The following HLCS variants were observed in gnomAD, a reference collection of about 807,000 sequenced individuals.
The protein encoded by HLCS is holocarboxylase synthetase, also known as biotin--protein ligase.
A neutral mutation model predicts 75.0 loss-of-function variants in HLCS; 53 were observed. That is an observed-to-expected ratio of 0.71 (90% confidence interval 0.57 to 0.89). The LOEUF is 0.89. Among genes scored for constraint, HLCS ranks in the 40% least tolerant of loss-of-function variants. The probability of loss-of-function intolerance (pLI) is 0.00; values close to 1 mark genes in which losing one functional copy is unlikely to be tolerated. For synonymous variants in HLCS, 431 were observed against 428.6 expected (o/e 1.01, Z -0.07); for missense variants, 966 against 1,074.0 (o/e 0.90, Z 1.41).
intron 6 of HLCS, 140 bp downstream of exon 6, chr21:36,896,720 A>C: frequency 1.1e-6 from 1 of 932,626 alleles, no homozygotes; most frequent in Non-Finnish European, 1.7e-6. Flanking sequence ...CTCTTCTAGG[A>C]CAAGAGTACT....
chr21:36,941,094 C>T (rs905204162), intron 2 of HLCS, among the ~76,000 whole-genome samples: 1 of 152,214 alleles, frequency 6.6e-6, no homozygotes, highest in Non-Finnish European at 1.5e-5. Flanking sequence ...TGCCTATAAT[C>T]CCAGCTATTC....
intron 1 of HLCS, among the ~76,000 whole-genome samples, chr21:36,989,314 C>CTTTTTTTTTTTTTT (rs35073331): frequency 1.2e-5 from 1 of 80,010 alleles, no homozygotes; most frequent in African/African-American, 5.2e-5. Flanking sequence ...TCTGGCCCAT[C>CTTTTTTTTTTTTTT]TTTTTTTTTT....
chr21:36,910,332 G>T (rs1428052191), intron 5 of HLCS, among the ~76,000 whole-genome samples: 1 of 152,136 alleles, frequency 6.6e-6, no homozygotes, highest in African/African-American at 2.4e-5. Context: ...ATCACCTGAG[G>T]TCAGGAGTTT....
intron 5 of HLCS, 24 bp downstream of exon 5, chr21:36,930,227 T>C (rs1211709113): frequency 6.2e-7 from 1 of 1,604,794 alleles, no homozygotes; most frequent in East Asian, 2.2e-5. Context: ...CAGCGCGCTC[T>C]GCCCAGCTGA....
At chr21:36,797,707 G>C (rs1314534706) in intron 6 of HLCS, among the ~76,000 whole-genome samples, 1 of 152,214 alleles carries the variant, frequency 6.6e-6, no homozygotes, top group African/African-American at 2.4e-5. Context: ...GAAAAATTGA[G>C]AAGGCTAATG....
chr21:36,922,276 C>A (rs1276499338), intron 5 of HLCS, among the ~76,000 whole-genome samples: 1 of 152,138 alleles, frequency 6.6e-6, no homozygotes, highest in Non-Finnish European at 1.5e-5. Context: ...AAAGTATGTA[C>A]ATTTCTGGTA....
chr21:36,783,940 G>T (rs2060612111), intron 6 of HLCS, among the ~76,000 whole-genome samples: 1 of 152,148 alleles, frequency 6.6e-6, no homozygotes, highest in Non-Finnish European at 1.5e-5. Flanking sequence ...TCCACTCACT[G>T]TAAGATTTCT....
chr21:36,815,007 C>A (rs1449199320), intron 6 of HLCS, among the ~76,000 whole-genome samples: 1 of 148,550 alleles, frequency 6.7e-6, no homozygotes, highest in Non-Finnish European at 1.5e-5. Context: ...GAAAGGAGGC[C>A]AGGGATCAAT....
At chr21:36,971,151 G>A (rs1337955205), upstream of HLCS, among the ~76,000 whole-genome samples, 1 of 152,068 alleles carries the variant, frequency 6.6e-6, no homozygotes, top group Non-Finnish European at 1.5e-5. Context: ...AATATTTAGA[G>A]CATCAAAAGA....
At chr21:36,772,623 A>T (rs144977706) in intron 6 of HLCS, among the ~76,000 whole-genome samples, 1,791 of 143,050 alleles carry the variant, frequency 0.013, 35 homozygotes, top group African/African-American at 0.043. Flanking sequence ...TGGGCAACAG[A>T]GCAAGACACT....
At chr21:36,908,949 C>A (rs2065581508) in intron 5 of HLCS, among the ~76,000 whole-genome samples, 1 of 152,160 alleles carries the variant, frequency 6.6e-6, no homozygotes. Flanking sequence ...AATCCTAGCA[C>A]TTTGGGAGGC....
At chr21:36,778,020 G>C (rs533219461) in intron 6 of HLCS, among the ~76,000 whole-genome samples, 4 of 152,014 alleles carry the variant, frequency 2.6e-5, no homozygotes, top group African/African-American at 7.2e-5. Flanking sequence ...CCAGGCTGGA[G>C]TGCAGTGGCA....
At chr21:36,844,568 A>T (rs1226740637) in intron 6 of HLCS, among the ~76,000 whole-genome samples, 1 of 152,222 alleles carries the variant, frequency 6.6e-6, no homozygotes, top group Non-Finnish European at 1.5e-5. Flanking sequence ...CACAGGCCAC[A>T]GGAAAGAACA....
rs2089335415 is a variant in HLCS, at chr21:36,750,536, G to A, written c.*3710C>T. On this transcript the variant is annotated 3_prime_UTR_variant, in exon 11 of 11. Coordinates refer to ENST00000674895, the MANE Select transcript of HLCS (RefSeq NM_001352514.2). ...TATCAGCCCTGCCTTCGTCCCTTCCGCCCTAAGCCCTAAGAGTGGGGGAGG... is the reference window on the plus strand; with the variant it reads ...TATCAGCCCTGCCTTCGTCCCTTCCACCCTAAGCCCTAAGAGTGGGGGAGG... Among the ~76,000 whole-genome samples the A allele has an allele frequency of 1.3e-5, 2 of 152,054 alleles. No individual in the cohort carries two copies. Among genetic ancestry groups the A allele is most frequent in the Non-Finnish European group, 2.9e-5 (2 of 68,006 alleles).
intron 6 of HLCS, among the ~76,000 whole-genome samples, chr21:36,838,037 G>A (rs1288872211): frequency 2.0e-5 from 3 of 152,036 alleles, no homozygotes; most frequent in African/African-American, 4.8e-5. Flanking sequence ...TTTTTAAGCC[G>A]GATAATATTT....
intron 6 of HLCS, among the ~76,000 whole-genome samples, chr21:36,768,791 T>C (rs1180935217): frequency 6.6e-6 from 1 of 152,248 alleles, no homozygotes; most frequent in Non-Finnish European, 1.5e-5. Flanking sequence ...TGTATGCCAC[T>C]GGGTCCAAGA....
intron 2 of HLCS, among the ~76,000 whole-genome samples, chr21:36,950,015 G>C (rs73387887): frequency 0.098 from 14,840 of 151,904 alleles, 804 homozygotes; most frequent in East Asian, 0.21. Context: ...CTCCTAACCA[G>C]TATGGACATG....
chr21:36,755,240 AT>A (rs869032114), intron 10 of HLCS, among the ~76,000 whole-genome samples: 5 of 151,556 alleles, frequency 3.3e-5, no homozygotes, highest in South Asian at 2.1e-4. Context: ...CTACAAAAAA[AT>A]TTTTTTTTAA....
At chr21:36,779,276 C>T (rs2060455648) in intron 6 of HLCS, among the ~76,000 whole-genome samples, 1 of 152,044 alleles carries the variant, frequency 6.6e-6, no homozygotes, top group Non-Finnish European at 1.5e-5. Flanking sequence ...ACTGTATTTC[C>T]TTCCGTCCAT....
Sources: gnomAD v4.1 joint callset for allele counts (sites outside exome capture counted in the v4.1 genomes callset) on GRCh38, gnomAD v4.1.1 for gene constraint, MANE v1.5 for transcripts, NCBI Gene and HGNC (gene_info 2026-07-23, HGNC 2026-07-21) for gene names.